Variants in ZBTB20 observed in about 807,000 individuals in gnomAD.
ZBTB20 encodes the protein zinc finger and BTB domain containing 20.
In ZBTB20, 9 loss-of-function variants were observed where a neutral mutation model predicts 56.9. The ratio of observed to expected loss-of-function variants is 0.16; its 90% confidence interval spans 0.10 to 0.28. The LOEUF is 0.28. Among genes scored for constraint, ZBTB20 ranks in the 10% least tolerant of loss-of-function variants. ZBTB20 has a pLI of 1.00. For synonymous variants in ZBTB20, 417 were observed against 420.7 expected, an observed-to-expected ratio of 0.99 and a Z score of 0.11; for missense variants, 655 against 1,003.0, an observed-to-expected ratio of 0.65 and a Z score of 4.69.
intron 6 of ZBTB20, among the ~76,000 whole-genome samples, chr3:114,678,839 T>C (rs1208895195): frequency 2.6e-5 from 4 of 152,122 alleles, no homozygotes; most frequent in African/African-American, 7.2e-5. Flanking sequence ...GGCCTTATAA[T>C]AGACAACAAA....
At chr3:114,462,517 A>C (rs764887504) in intron 7 of ZBTB20, among the ~76,000 whole-genome samples, 1 of 152,214 alleles carries the variant, frequency 6.6e-6, no homozygotes, top group Non-Finnish European at 1.5e-5. Context: ...GTTTTAGTAA[A>C]GTGGCCCATG....
At chr3:114,695,939 T>C (rs2062985798) in intron 5 of ZBTB20, among the ~76,000 whole-genome samples, 1 of 152,048 alleles carries the variant, frequency 6.6e-6, no homozygotes, top group Non-Finnish European at 1.5e-5. Context: ...TTCTCTGTAA[T>C]AAATTTATCT....
intron 7 of ZBTB20, among the ~76,000 whole-genome samples, chr3:114,422,855 A>C (rs1488379875): frequency 6.6e-6 from 1 of 152,070 alleles, no homozygotes; most frequent in Non-Finnish European, 1.5e-5. Flanking sequence ...TAAGCTACTG[A>C]AAAAAATGGT....
At chr3:114,343,176 T>C (rs1275436181) in intron 11 of ZBTB20, among the ~76,000 whole-genome samples, 1 of 151,410 alleles carries the variant, frequency 6.6e-6, no homozygotes, top group Non-Finnish European at 1.5e-5. Context: ...AGATCCTGCT[T>C]AGGTTAGAAG....
intron 7 of ZBTB20, among the ~76,000 whole-genome samples, chr3:114,442,132 T>C (rs1025074297): frequency 1.3e-5 from 2 of 152,130 alleles, no homozygotes; most frequent in African/African-American, 4.8e-5. Context: ...AGTTTCCCCC[T>C]TTTAGATAAC....
chr3:114,403,822 T>C (rs2108724170), intron 7 of ZBTB20, among the ~76,000 whole-genome samples: 1 of 152,148 alleles, frequency 6.6e-6, no homozygotes, highest in East Asian at 1.9e-4. Context: ...ACTGAAGAAA[T>C]GAAGGGCACC....
At position 114,462,616 on chromosome 3, in the gene ZBTB20, A is replaced by C. The variant is rs1214955941; in HGVS notation, c.-255+37736T>G. 2.0e-5 allele frequency among the ~76,000 whole-genome samples: 3 copies of C among 152,154 alleles called. No homozygotes were observed. The East Asian group carries it at 5.8e-4, about 29-fold the overall frequency. ...ATTGATTATGGTCACATATTTTTTC[A>C]ATAGAAAATATGTATATCCTGGTAG... On this transcript the variant is annotated intron_variant, in intron 7 of 11. Transcript: ENST00000675478.
At chr3:114,667,034 T>C (rs950244912) in intron 6 of ZBTB20, among the ~76,000 whole-genome samples, 11 of 152,006 alleles carry the variant, frequency 7.2e-5, no homozygotes, top group Non-Finnish European at 1.5e-4. Context: ...AATGAAAAGT[T>C]CTCTACTTTT....
chr3:114,992,920 C>A (rs148825708), intron 2 of ZBTB20, among the ~76,000 whole-genome samples: 218 of 151,966 alleles, frequency 1.4e-3, no homozygotes, highest in Admixed American at 5.0e-3. Context: ...TTTCTGTAGA[C>A]CAGTACAGGC....
At chr3:114,985,250 G>A (rs1274237184) in intron 2 of ZBTB20, among the ~76,000 whole-genome samples, 3 of 152,008 alleles carry the variant, frequency 2.0e-5, no homozygotes, top group Non-Finnish European at 4.4e-5. Flanking sequence ...TCTGAGTAAC[G>A]AATAAATGAA....
At position 115,083,290 on chromosome 3, in the gene ZBTB20, T is replaced by C. The variant is rs549804120; in HGVS notation, c.-702-11876A>G. Among the ~76,000 whole-genome samples, 45 of 152,158 alleles carry C rather than the reference T, an allele frequency of 3.0e-4. No homozygotes were observed. In the South Asian group the frequency reaches 8.5e-3, roughly 29 times the overall value. ...CATCCACATTTTCTTTTTCAATCCA[T>C]GTGCCCATCTTCTCCTCACAGCCTA... On this transcript the variant is annotated intron_variant, in intron 1 of 11. Coordinates refer to ENST00000675478, the MANE Select transcript of ZBTB20 (RefSeq NM_001348800.3).
At position 114,320,350 on chromosome 3, in the gene ZBTB20, TC is replaced by T. The variant is rs2078851134; in HGVS notation, c.*18654del. The T allele has an allele frequency of 6.6e-6, 1 of 152,132 alleles. No individual in the cohort carries two copies. The highest frequency in any genetic ancestry group is 1.5e-5 in the Non-Finnish European group (1 of 68,040). The allele number at this position is 152,132 out of a possible 1,614,324, so 9.4% of individuals were successfully genotyped here. ...TAAATTAAAAGAAGAAATAAACGTT[TC>T]CCCCCATCTTTCTAAAGGAAATGAC... is the stretch of plus-strand genomic sequence containing the variant. On this transcript the variant is annotated 3_prime_UTR_variant, in exon 12 of 12. Transcript: ENST00000675478.
intron 6 of ZBTB20, among the ~76,000 whole-genome samples, chr3:114,510,891 C>T (rs2045288804): frequency 6.6e-6 from 1 of 151,942 alleles, no homozygotes; most frequent in African/African-American, 2.4e-5. Flanking sequence ...AAGAGAAGGG[C>T]CTTTTTTCCA....
At chr3:114,661,186 T>G (rs1452896320) in intron 6 of ZBTB20, among the ~76,000 whole-genome samples, 1 of 152,108 alleles carries the variant, frequency 6.6e-6, no homozygotes, top group African/African-American at 2.4e-5. Context: ...TACCTCAACA[T>G]TTGGTGTCTC....
At chr3:115,142,691 A>G (rs377536367) in intron 1 of ZBTB20, among the ~76,000 whole-genome samples, 2 of 151,954 alleles carry the variant, frequency 1.3e-5, no homozygotes, top group African/African-American at 2.4e-5. Context: ...AACTGAAACA[A>G]TGTATTCCAT....
Position 115,109,388 on chromosome 3 carries a change from A to G in ZBTB20, c.-703+37831T>C, listed in dbSNP as rs555594954. On this transcript the variant is annotated intron_variant, in intron 1 of 11. Transcript: ENST00000675478. ...TGACCTGGTGCGGCTATACTCAAAA[A>G]CTCAATAGTCTTCATATCTTTCCAA... Among the ~76,000 whole-genome samples, 7 of 152,176 alleles carry G rather than the reference A, an allele frequency of 4.6e-5. No individual in the cohort carries two copies. The South Asian group carries it at 1.5e-3, about 32-fold the overall frequency.
chr3:115,134,026 C>T (rs1233263908), intron 1 of ZBTB20, among the ~76,000 whole-genome samples: 1 of 152,118 alleles, frequency 6.6e-6, no homozygotes, highest in Non-Finnish European at 1.5e-5. Context: ...TTTTCTATTT[C>T]ATTACTTTCA....
chr3:114,898,470 C>T (rs2074977222), intron 4 of ZBTB20, among the ~76,000 whole-genome samples: 1 of 152,090 alleles, frequency 6.6e-6, no homozygotes, highest in African/African-American at 2.4e-5. Context: ...TATCAGTATT[C>T]TCATATCTAT....
Position 114,441,809 on chromosome 3 carries a change from T to C in ZBTB20, c.-254-52704A>G, listed in dbSNP as rs528101201. Among the ~76,000 whole-genome samples, 63 of 152,242 alleles carry C rather than the reference T, an allele frequency of 4.1e-4. No individual in the cohort carries two copies. The South Asian group carries it at 0.013, about 31-fold the overall frequency. On this transcript the variant is annotated intron_variant, in intron 7 of 11. Coordinates refer to ENST00000675478, the MANE Select transcript of ZBTB20 (RefSeq NM_001348800.3). ...CATAAATATTAGAGATGGAAAGACC[T>C]GGAAGATTACAGAGTCCAAACCTCC...
Sources: allele counts gnomAD v4.1 joint callset (sites outside exome capture counted in the v4.1 genomes callset), GRCh38; gene constraint gnomAD v4.1.1; transcripts MANE v1.5; gene names NCBI Gene and HGNC (gene_info 2026-07-23, HGNC 2026-07-21).